The following SLC14A2 variants were observed in gnomAD, a reference collection of about 807,000 sequenced individuals.
SLC14A2 encodes the protein urea transporter 2.
Under a neutral mutation model 104.6 loss-of-function variants are expected in SLC14A2, and 91 were observed. That is an observed-to-expected ratio of 0.87 (90% CI 0.73 to 1.04). SLC14A2 has a LOEUF of 1.04. Among genes scored for constraint, SLC14A2 ranks in the 50% least tolerant of loss-of-function variants. SLC14A2 has a pLI of 0.00. For missense variants in SLC14A2, 1,189 were observed against 1,156.0 expected (o/e 1.03, Z -0.41); for synonymous variants, 476 against 466.4 (o/e 1.02, Z -0.27).
intron 2 of SLC14A2, among the ~76,000 whole-genome samples, chr18:45,557,516 G>A (rs956381683): frequency 6.6e-6 from 1 of 152,172 alleles, no homozygotes; most frequent in Non-Finnish European, 1.5e-5. Flanking sequence ...AAATAGCCTC[G>A]AGCAGCTGGG....
At chr18:45,315,733 C>G (rs1478769221) in intron 1 of SLC14A2, among the ~76,000 whole-genome samples, 2 of 152,304 alleles carry the variant, frequency 1.3e-5, no homozygotes, top group African/African-American at 4.8e-5. Context: ...AAACCCTCCA[C>G]TATCCTCAAG....
At chr18:45,659,486 C>T (rs1430645811) in intron 10 of SLC14A2, among the ~76,000 whole-genome samples, 1 of 152,236 alleles carries the variant, frequency 6.6e-6, no homozygotes, top group Non-Finnish European at 1.5e-5. Context: ...AGCCAGCTCT[C>T]CATCTTCCAT....
intron 2 of SLC14A2, among the ~76,000 whole-genome samples, chr18:45,586,870 A>T (rs1254948819): frequency 2.0e-5 from 3 of 152,168 alleles, no homozygotes; most frequent in African/African-American, 7.2e-5. Flanking sequence ...GGAGCAGTGG[A>T]GATAAAATGC....
At chr18:45,520,723 C>A (rs1255687299) in intron 2 of SLC14A2, among the ~76,000 whole-genome samples, 1 of 152,160 alleles carries the variant, frequency 6.6e-6, no homozygotes, top group African/African-American at 2.4e-5. Flanking sequence ...TCTCACACAT[C>A]TAGCTGTGTG....
intron 2 of SLC14A2, among the ~76,000 whole-genome samples, chr18:45,560,804 C>A (rs2044190939): frequency 6.6e-6 from 1 of 152,146 alleles, no homozygotes; most frequent in Non-Finnish European, 1.5e-5. Context: ...TGACTTCCTG[C>A]TTGTCCCCAC....
Position 45,294,218 on chromosome 18 carries a change from A to AATAT in SLC14A2, c.-125+81037_-125+81040dup, listed in dbSNP as rs150478048. ...TATTTGTGCTTTTCCCTTGTGTGGG[A>AATAT]ATATATATATATAGAAAGAGTGATT... On this transcript the variant is annotated intron_variant, in intron 1 of 20. Coordinates refer to the SLC14A2 transcript ENST00000586448. Among the ~76,000 whole-genome samples the AATAT allele has an allele frequency of 4.0e-5, 6 of 151,762 alleles. No homozygotes were observed. The South Asian group carries it at 1.2e-3, about 32-fold the overall frequency.
At chr18:45,222,879 C>T (rs1334492146) in intron 1 of SLC14A2, among the ~76,000 whole-genome samples, 1 of 152,152 alleles carries the variant, frequency 6.6e-6, no homozygotes, top group Non-Finnish European at 1.5e-5. Context: ...CTCCCTTTCT[C>T]AGTGCCTGCA....
chr18:45,343,285 A>G (rs1443104110), intron 1 of SLC14A2, among the ~76,000 whole-genome samples: 1 of 151,892 alleles, frequency 6.6e-6, no homozygotes, highest in Non-Finnish European at 1.5e-5. Context: ...AGTCCCACAG[A>G]GGAGATGTGT....
intron 5 of SLC14A2, 119 bp downstream of exon 5, chr18:45,632,597 G>C (rs2045363104): frequency 9.1e-7 from 1 of 1,097,364 alleles, no homozygotes; most frequent in South Asian, 1.5e-5. Flanking sequence ...AGCCAAGTTA[G>C]CTTGTCTGAC....
chr18:45,442,948 T>C (rs2086703666), intron 1 of SLC14A2, among the ~76,000 whole-genome samples: 1 of 152,210 alleles, frequency 6.6e-6, no homozygotes, highest in Non-Finnish European at 1.5e-5. Flanking sequence ...GTTGAAGCTT[T>C]TAGACTGTGT....
chr18:45,361,038 C>T (rs934305967), intron 1 of SLC14A2, among the ~76,000 whole-genome samples: 18 of 152,176 alleles, frequency 1.2e-4, no homozygotes, highest in African/African-American at 2.9e-4. Flanking sequence ...GACCCGTATC[C>T]GTCAGTTCTT....
chr18:45,254,910 G>C (rs1254799847), intron 1 of SLC14A2, among the ~76,000 whole-genome samples: 1 of 152,108 alleles, frequency 6.6e-6, no homozygotes, highest in African/African-American at 2.4e-5. Flanking sequence ...CCTGGGGCAG[G>C]CCTGGGCAGC....
At chr18:45,175,158 G>T in the SLC14A2 span, among the ~76,000 whole-genome samples, 3 of 152,128 alleles carry the variant, frequency 2.0e-5, no homozygotes, top group African/African-American at 7.2e-5. Flanking sequence ...GGTGCAAAAT[G>T]ATATACCTAC....
chr18:45,414,769 T>A lies in SLC14A2; in HGVS notation c.-124-68464T>A, dbSNP rs1266728099. ...TAAAAAAAAAAAAAATATATATATA[T>A]ATATATATATATATATATATATATA... On this transcript the variant is annotated intron_variant, in intron 1 of 20. Transcript: ENST00000586448. Among the ~76,000 whole-genome samples the A allele has an allele frequency of 5.7e-3, 334 of 59,072 alleles. 15 individuals carry two copies. Among genetic ancestry groups the A allele is most frequent in the East Asian group, 0.029 (36 of 1,260 alleles). 38.8% of individuals were successfully genotyped at this position (59,072 alleles called of 152,430 possible).
intron 18 of SLC14A2, among the ~76,000 whole-genome samples, chr18:45,674,851 G>A (rs59729467): frequency 1.1e-3 from 162 of 152,326 alleles, no homozygotes; most frequent in African/African-American, 3.7e-3. Context: ...GGCCAAGCAG[G>A]TGATGACCCT....
At chr18:45,673,991 G>A (rs1335604097) in intron 18 of SLC14A2, among the ~76,000 whole-genome samples, 174 bp downstream of exon 18, 1 of 152,054 alleles carries the variant, frequency 6.6e-6, no homozygotes, top group African/African-American at 2.4e-5. Flanking sequence ...GTTGTTCCTG[G>A]GCTGTCTCCT....
chr18:45,346,434 G>T (rs1389492768), intron 1 of SLC14A2, among the ~76,000 whole-genome samples: 1 of 152,164 alleles, frequency 6.6e-6, no homozygotes, highest in Non-Finnish European at 1.5e-5. Context: ...TGGGATTACA[G>T]GTGTGAGCCA....
Position 45,332,208 on chromosome 18 carries a change from C to T in SLC14A2, c.-125+119017C>T, listed in dbSNP as rs183652285. On this transcript the variant is annotated intron_variant, in intron 1 of 20. Coordinates refer to the SLC14A2 transcript ENST00000586448. ...GTTCTGGTTTCAAATACAGTTGGCC[C>T]TCTGTATCTGTGGGTTATACATCTG... is the stretch of plus-strand genomic sequence containing the variant. Among the ~76,000 whole-genome samples the T allele has an allele frequency of 1.5e-3, 226 of 152,132 alleles. 1 individual carries two copies. Among genetic ancestry groups the T allele is most frequent in the Non-Finnish European group, 2.6e-3 (176 of 67,988 alleles).
intron 1 of SLC14A2, among the ~76,000 whole-genome samples, chr18:45,315,951 C>T (rs1247735924): frequency 1.3e-5 from 2 of 152,154 alleles, no homozygotes; most frequent in African/African-American, 4.8e-5. Flanking sequence ...GAGGGGGACC[C>T]CATGAATTGC....
Sources: allele counts gnomAD v4.1 joint callset (sites outside exome capture counted in the v4.1 genomes callset), GRCh38; gene constraint gnomAD v4.1.1; transcripts MANE v1.5; gene names NCBI Gene and HGNC (gene_info 2026-07-23, HGNC 2026-07-21).